Variants in SCUBE1 observed in about 807,000 individuals in gnomAD.
SCUBE1 encodes signal peptide, CUB domain and EGF like domain containing 1.
Under a neutral mutation model 124.4 loss-of-function variants are expected in SCUBE1, and 59 were observed. That is an observed-to-expected ratio of 0.47 (90% CI 0.38 to 0.59). SCUBE1 has a LOEUF of 0.59. Ranked by LOEUF, SCUBE1 falls within the 20% of genes least tolerant of loss-of-function variation. SCUBE1 has a pLI of 0.00. For synonymous variants in SCUBE1, 545 were observed against 550.9 expected (o/e 0.99, Z 0.15); for missense variants, 1,150 against 1,371.2 (o/e 0.84, Z 2.55).
chr22:43,295,655 T>C (rs987250237), intron 3 of SCUBE1, among the ~76,000 whole-genome samples: 2 of 152,314 alleles, frequency 1.3e-5, no homozygotes, highest in Admixed American at 1.3e-4. Context: ...AGCCCACCCA[T>C]TCACCTCTGC....
At chr22:43,214,279 G>A in intron 15 of SCUBE1, 28 bp from the exon 16 acceptor site, 1 of 1,601,126 alleles carries the variant, frequency 6.2e-7, no homozygotes, top group Non-Finnish European at 8.5e-7. Flanking sequence ...AGAGGCTGCT[G>A]GAGGCAGAGG....
At chr22:43,293,114 C>T (rs775258427) in intron 3 of SCUBE1, among the ~76,000 whole-genome samples, 1 of 152,192 alleles carries the variant, frequency 6.6e-6, no homozygotes, top group Non-Finnish European at 1.5e-5. Context: ...CGCCTCCCTC[C>T]CCTCCAAGCC....
At chr22:43,225,505 G>A (rs915554401) in intron 10 of SCUBE1, among the ~76,000 whole-genome samples, 14 of 151,380 alleles carry the variant, frequency 9.2e-5, no homozygotes, top group East Asian at 2.0e-4. Context: ...GGCCGGGCTC[G>A]GTGGCTCACG....
rs1003537858 is a variant in SCUBE1, at chr22:43,255,387, A to C, written c.727+2832T>G. On this transcript the variant is annotated intron_variant, in intron 6 of 21. Coordinates refer to ENST00000360835, the MANE Select transcript of SCUBE1 (RefSeq NM_173050.5). The surrounding 1 kb of genome is among the most constrained non-coding windows in gnomAD (Gnocchi z 4.7). ...CACACGTCACACCCACACACAGCAC[A>C]CACACGCCCATGTCCACATGCCAGT... 9.8e-7 allele frequency: 1 copy of C among 1,016,984 alleles called. No individual in the cohort carries two copies. The highest frequency in any genetic ancestry group is 1.6e-5 in the African/African-American group (1 of 63,122). 63.0% of individuals were successfully genotyped at this position (1,016,984 alleles called of 1,614,324 possible). A position where few individuals can be genotyped will look rare whatever the true frequency, so the allele number is the denominator to read the frequency against.
At chr22:43,287,101 T>C (rs1279126382) in intron 4 of SCUBE1, among the ~76,000 whole-genome samples, 1 of 152,092 alleles carries the variant, frequency 6.6e-6, no homozygotes, top group Admixed American at 6.5e-5. Flanking sequence ...TCAGTACTTA[T>C]TGGGCTAGGG....
intron 7 of SCUBE1, chr22:43,238,566 A>G (rs1436468369): frequency 1.7e-6 from 1 of 602,472 alleles, no homozygotes; most frequent in Non-Finnish European, 3.0e-6. Context: ...CGTGCAGCCA[A>G]ATTCTCTGAC....
intron 4 of SCUBE1, among the ~76,000 whole-genome samples, chr22:43,263,942 C>T (rs1462656117): frequency 2.0e-5 from 3 of 152,210 alleles, no homozygotes; most frequent in Non-Finnish European, 4.4e-5. Context: ...AGACCCTTTC[C>T]GCTGGCTCGA....
intron 3 of SCUBE1, among the ~76,000 whole-genome samples, chr22:43,291,429 G>A (rs971006304): frequency 9.9e-5 from 15 of 152,050 alleles, no homozygotes; most frequent in Non-Finnish European, 2.1e-4. Context: ...GGCCTCCATC[G>A]CTCTGTGCTA....
chr22:43,279,302 G>T (rs905595694), intron 4 of SCUBE1, among the ~76,000 whole-genome samples: 16 of 152,346 alleles, frequency 1.1e-4, no homozygotes, highest in African/African-American at 3.8e-4. Flanking sequence ...AGGCAGGGTG[G>T]GCTTGCTCTC....
intron 2 of SCUBE1, among the ~76,000 whole-genome samples, chr22:43,326,841 C>T (rs773367501): frequency 3.7e-4 from 57 of 152,036 alleles, no homozygotes; most frequent in Non-Finnish European, 6.8e-4. Context: ...GAGCTCCTTC[C>T]CCTCCACAAA....
chr22:43,312,021 G>A (rs1408717686), intron 3 of SCUBE1, among the ~76,000 whole-genome samples: 1 of 152,198 alleles, frequency 6.6e-6, no homozygotes, highest in Non-Finnish European at 1.5e-5. Flanking sequence ...TCGTGGTATG[G>A]GGTGGAGCCA....
chr22:43,255,434 GCACA>G lies in SCUBE1; in HGVS notation c.727+2781_727+2784del, dbSNP rs145804799. 22 of 1,399,954 alleles carry G rather than the reference GCACA, an allele frequency of 1.6e-5. No homozygotes were observed. In the African/African-American group the frequency reaches 1.9e-4, roughly 12 times the overall value. 86.7% of individuals were successfully genotyped at this position (1,399,954 alleles called of 1,614,324 possible). ...CAGTGCGCACCCGAGACACACATGTGCACACACACACACAAGTGCAAGTACGACA... is the reference window on the plus strand; with the variant it reads ...CAGTGCGCACCCGAGACACACATGTGCACACACACAAGTGCAAGTACGACA... On this transcript the variant is annotated intron_variant, in intron 6 of 21. Coordinates refer to ENST00000360835, the MANE Select transcript of SCUBE1 (RefSeq NM_173050.5). The surrounding 1 kb of genome is among the most constrained non-coding windows in gnomAD (Gnocchi z 4.7).
chr22:43,291,280 G>A (rs908013195), intron 3 of SCUBE1, 100 bp from the exon 4 acceptor site: 1 of 1,324,768 alleles, frequency 7.5e-7, no homozygotes, highest in African/African-American at 1.4e-5. Flanking sequence ...TTCCTCACAT[G>A]GCCCTGAAGG....
At chr22:43,257,291 T>C (rs776521027) in intron 6 of SCUBE1, among the ~76,000 whole-genome samples, 1 of 152,134 alleles carries the variant, frequency 6.6e-6, no homozygotes, top group Non-Finnish European at 1.5e-5. Context: ...ATCTTCCAGA[T>C]TGACGATAAG....
At chr22:43,287,837 T>A (rs1925204410) in intron 4 of SCUBE1, among the ~76,000 whole-genome samples, 1 of 152,210 alleles carries the variant, frequency 6.6e-6, no homozygotes, top group Non-Finnish European at 1.5e-5. Context: ...ATAACAATCA[T>A]GATTGCAGTT....
chr22:43,341,552 T>C (rs1927317894), intron 1 of SCUBE1, among the ~76,000 whole-genome samples: 1 of 152,066 alleles, frequency 6.6e-6, no homozygotes, highest in African/African-American at 2.4e-5. Context: ...TTCACTGGAA[T>C]GGAAATGGAT....
At chr22:43,336,034 C>T (rs887178727) in intron 2 of SCUBE1, among the ~76,000 whole-genome samples, 2 of 152,078 alleles carry the variant, frequency 1.3e-5, no homozygotes, top group Admixed American at 1.3e-4. Context: ...ATGACAGGAT[C>T]ATGGTGAAGA....
intron 6 of SCUBE1, among the ~76,000 whole-genome samples, chr22:43,248,960 T>C (rs1923327801): frequency 6.6e-6 from 1 of 152,174 alleles, no homozygotes; most frequent in African/African-American, 2.4e-5. Flanking sequence ...GGCCCTGTGC[T>C]GTGCCCTGAG....
chr22:43,281,418 T>TCCTGTCACCTCCCTCTTTGGCCAC (rs1924843825), intron 4 of SCUBE1, among the ~76,000 whole-genome samples: 1 of 76,186 alleles, frequency 1.3e-5, no homozygotes, highest in Admixed American at 1.2e-4. Context: ...CCCTCAGCCA[T>TCCTGTCACCTCCCTCTTTGGCCAC]CCTCCTGTCA....
Sources: allele counts gnomAD v4.1 joint callset (sites outside exome capture counted in the v4.1 genomes callset), GRCh38; gene constraint gnomAD v4.1.1; non-coding constraint Gnocchi (gnomAD v3.1); transcripts MANE v1.5; gene names NCBI Gene and HGNC (gene_info 2026-07-23, HGNC 2026-07-21).